Variants in SGCZ observed in about 807,000 individuals in gnomAD.
SGCZ encodes zeta-sarcoglycan.
SGCZ carries 40 observed loss-of-function variants against 41.3 expected under a neutral mutation model. The ratio of observed to expected loss-of-function variants is 0.97; its 90% CI spans 0.75 to 1.26. The LOEUF is 1.26. SGCZ is among the 50% of genes most tolerant of loss of function. The probability of loss-of-function intolerance (pLI) is 0.00; values close to 1 mark genes in which losing one functional copy is unlikely to be tolerated. For missense variants in SGCZ, 552 were observed against 369.8 expected (o/e 1.49, Z -4.04); for synonymous variants, 206 against 137.5 (o/e 1.50, Z -3.49).
At chr8:14,432,283 G>A (rs1245094198) in intron 2 of SGCZ, among the ~76,000 whole-genome samples, 1 of 152,134 alleles carries the variant, frequency 6.6e-6, no homozygotes, top group Non-Finnish European at 1.5e-5. Flanking sequence ...AAACCCAAAT[G>A]CCCATCGATC....
intron 1 of SGCZ, among the ~76,000 whole-genome samples, chr8:15,160,001 G>T (rs1000111608): frequency 5.9e-5 from 9 of 151,674 alleles, no homozygotes; most frequent in Non-Finnish European, 1.2e-4. Flanking sequence ...TGATTTTTTT[G>T]TTGTTTTTCA....
At chr8:14,232,823 G>A (rs1466311348) in intron 4 of SGCZ, among the ~76,000 whole-genome samples, 1 of 151,926 alleles carries the variant, frequency 6.6e-6, no homozygotes, top group East Asian at 1.9e-4. Flanking sequence ...CATTAAACAA[G>A]GATACCTATG....
chr8:14,450,636 G>A (rs752503935), intron 2 of SGCZ, among the ~76,000 whole-genome samples: 13 of 152,288 alleles, frequency 8.5e-5, no homozygotes, highest in African/African-American at 2.6e-4. Flanking sequence ...AAAAAAGTAT[G>A]AGGATGTGTG....
intron 5 of SGCZ, among the ~76,000 whole-genome samples, chr8:14,162,913 T>C (rs1036760932): frequency 6.6e-6 from 1 of 152,218 alleles, no homozygotes; most frequent in Admixed American, 6.5e-5. Context: ...CTCTGTCACT[T>C]GTGCTAGACT....
intron 3 of SGCZ, among the ~76,000 whole-genome samples, chr8:14,273,970 C>T (rs1800143946): frequency 6.6e-6 from 1 of 152,072 alleles, no homozygotes; most frequent in Admixed American, 6.6e-5. Flanking sequence ...AAAAAGCAAA[C>T]ATTCAGACAA....
chr8:14,237,728 A>C (rs1247866163), intron 3 of SGCZ, 49 bp from the exon 4 acceptor site: 1 of 1,529,648 alleles, frequency 6.5e-7, no homozygotes, highest in Non-Finnish European at 9.0e-7. Context: ...AATATCGTCA[A>C]ATTTACAAAA....
chr8:14,286,533 G>T (rs1335735827), intron 3 of SGCZ, among the ~76,000 whole-genome samples: 1 of 152,068 alleles, frequency 6.6e-6, no homozygotes, highest in Non-Finnish European at 1.5e-5. Context: ...GAGTTTAAAT[G>T]ACAGCAGTAG....
intron 1 of SGCZ, among the ~76,000 whole-genome samples, chr8:14,833,257 GA>G (rs1473939658): frequency 6.6e-5 from 10 of 152,222 alleles, no homozygotes; most frequent in African/African-American, 2.4e-4. Context: ...TTTAGGCAGA[GA>G]TGACAAATTC....
At chr8:14,997,957 C>T (rs1802278594) in intron 1 of SGCZ, among the ~76,000 whole-genome samples, 1 of 150,656 alleles carries the variant, frequency 6.6e-6, no homozygotes, top group African/African-American at 2.5e-5. Flanking sequence ...GAGACTCTGT[C>T]ACAAAAGGAA....
chr8:14,395,606 T>C (rs1394915834), intron 2 of SGCZ, among the ~76,000 whole-genome samples: 1 of 152,154 alleles, frequency 6.6e-6, no homozygotes, highest in Non-Finnish European at 1.5e-5. Flanking sequence ...TGATTTTCAA[T>C]TATAAGATAC....
chr8:14,551,544 TATATATA>T (rs1803845935), intron 2 of SGCZ, among the ~76,000 whole-genome samples: 19 of 6,202 alleles, frequency 3.1e-3, no homozygotes, highest in African/African-American at 7.8e-3. Context: ...ATATATATAA[TATATATA>T]ATATATATTA....
chr8:14,327,005 T>A (rs1017703247), intron 2 of SGCZ, among the ~76,000 whole-genome samples: 2 of 152,074 alleles, frequency 1.3e-5, no homozygotes, highest in Admixed American at 1.3e-4. Flanking sequence ...AAAAAATAGA[T>A]GTTTTCAAAT....
At chr8:14,461,792 T>TA (rs1046570654) in intron 2 of SGCZ, among the ~76,000 whole-genome samples, 1 of 152,162 alleles carries the variant, frequency 6.6e-6, no homozygotes. Flanking sequence ...TCACTTCTTA[T>TA]AAAAAAATTC....
chr8:14,476,043 C>G (rs1318309598), intron 2 of SGCZ, among the ~76,000 whole-genome samples: 1 of 151,842 alleles, frequency 6.6e-6, no homozygotes, highest in Non-Finnish European at 1.5e-5. Context: ...TGGCCTCAAG[C>G]AAATCTTCTA....
intron 4 of SGCZ, among the ~76,000 whole-genome samples, chr8:14,218,661 G>A (rs1393741585): frequency 6.6e-6 from 1 of 152,130 alleles, no homozygotes; most frequent in East Asian, 1.9e-4. Flanking sequence ...GTTACTTGCT[G>A]TTTATTTTAT....
chr8:14,589,147 C>T (rs191725206), intron 1 of SGCZ, among the ~76,000 whole-genome samples: 4 of 152,068 alleles, frequency 2.6e-5, no homozygotes, highest in South Asian at 4.2e-4. Context: ...AACAAACCTG[C>T]ACGTTGTGCA....
At chr8:14,191,289 C>G (rs1406377846) in intron 4 of SGCZ, among the ~76,000 whole-genome samples, 1 of 147,900 alleles carries the variant, frequency 6.8e-6, no homozygotes, top group Non-Finnish European at 1.5e-5. Context: ...CATATGCTGC[C>G]TTTTCATTTT....
At chr8:14,903,667 C>T (rs146191355) in intron 1 of SGCZ, among the ~76,000 whole-genome samples, 153 of 152,106 alleles carry the variant, frequency 1.0e-3, no homozygotes, top group African/African-American at 3.5e-3. Flanking sequence ...TTTGAAAGAA[C>T]GTCTTATGTA....
chr8:14,609,953 A>C (rs930697815), intron 1 of SGCZ, among the ~76,000 whole-genome samples: 13 of 152,220 alleles, frequency 8.5e-5, no homozygotes, highest in African/African-American at 3.1e-4. Flanking sequence ...CAAATTAAAC[A>C]AAAATAAATA....
Sources: gnomAD v4.1 joint callset for allele counts (sites outside exome capture counted in the v4.1 genomes callset) on GRCh38, gnomAD v4.1.1 for gene constraint, MANE v1.5 for transcripts, NCBI Gene and HGNC (gene_info 2026-07-23, HGNC 2026-07-21) for gene names.